The following VPS35L variants were observed in gnomAD, a reference collection of about 807,000 sequenced individuals.
VPS35L encodes VPS35 endosomal protein-sorting factor-like.
VPS35L carries 83 observed loss-of-function variants against 133.0 expected under a neutral mutation model. The ratio of observed to expected loss-of-function variants is 0.62; its 90% confidence interval spans 0.52 to 0.75. The LOEUF is 0.75. Among genes scored for constraint, VPS35L ranks in the 30% least tolerant of loss-of-function variants. The probability of loss-of-function intolerance (pLI) is 0.00; values close to 1 mark genes in which losing one functional copy is unlikely to be tolerated. For missense variants in VPS35L, 1,083 were observed against 1,206.8 expected, an observed-to-expected ratio of 0.90 and a Z score of 1.52; for synonymous variants, 423 against 449.9, an observed-to-expected ratio of 0.94 and a Z score of 0.76.
intron 22 of VPS35L, among the ~76,000 whole-genome samples, chr16:19,644,289 G>C (rs1973872526): frequency 6.6e-6 from 1 of 152,240 alleles, no homozygotes. Context: ...TTGATGGATG[G>C]AGAGGGGAAT....
chr16:19,565,645 G>A (rs1294758386), intron 2 of VPS35L, among the ~76,000 whole-genome samples: 8 of 152,090 alleles, frequency 5.3e-5, no homozygotes, highest in Non-Finnish European at 8.8e-5. Flanking sequence ...GAGCCACCTC[G>A]CCCGGCCTGC....
intron 27 of VPS35L, among the ~76,000 whole-genome samples, chr16:19,680,460 G>A (rs906330022): frequency 6.6e-6 from 1 of 152,160 alleles, no homozygotes; most frequent in Non-Finnish European, 1.5e-5. Flanking sequence ...AGCAGACCTG[G>A]CGGTGTATTG....
chr16:19,588,780 C>T (rs1397434058), intron 7 of VPS35L, among the ~76,000 whole-genome samples: 2 of 152,168 alleles, frequency 1.3e-5, no homozygotes, highest in East Asian at 3.8e-4. Flanking sequence ...CCATGTAAAG[C>T]TTTTCTCTAG....
Position 19,633,394 on chromosome 16 carries a change from T to TA in VPS35L, c.1635+223dup, listed in dbSNP as rs1451715661. ...GATAGTAATAGTGCTACCTGAGAGT[T>TA]ACTGTGAGGATGAAGTGAAGCCCTC... On this transcript the variant is annotated intron_variant, in intron 19 of 30. Coordinates refer to ENST00000417362, the MANE Select transcript of VPS35L (RefSeq NM_020314.7). The surrounding 1 kb of genome is among the most constrained non-coding windows in gnomAD (Gnocchi z 4.1). 6.6e-6 allele frequency among the ~76,000 whole-genome samples: 1 copy of TA among 152,218 alleles called. No individual in the cohort carries two copies. Among genetic ancestry groups the TA allele is most frequent in the Non-Finnish European group, 1.5e-5 (1 of 68,032 alleles).
chr16:19,595,381 G>A (rs1374214148), intron 8 of VPS35L, among the ~76,000 whole-genome samples: 1 of 152,118 alleles, frequency 6.6e-6, no homozygotes, highest in Non-Finnish European at 1.5e-5. Flanking sequence ...CAGGTTAGAT[G>A]TCAAATCATA....
At chr16:19,585,900 AT>A (rs959841774) in intron 7 of VPS35L, among the ~76,000 whole-genome samples, 1 of 151,282 alleles carries the variant, frequency 6.6e-6, no homozygotes, top group Admixed American at 6.6e-5. Flanking sequence ...AGTTGTAACA[AT>A]TTTTTTTTCC....
At chr16:19,611,651 T>C (rs893888918) in intron 12 of VPS35L, 15 of 152,108 alleles carry the variant, frequency 9.9e-5, no homozygotes, top group African/African-American at 3.4e-4. Flanking sequence ...AAGGGCACTT[T>C]TTATAGGTCT....
chr16:19,628,642 T>C lies in VPS35L; in HGVS notation c.1389T>C (p.Leu463=), dbSNP rs2151566135. ...ECDESGFPKH[L]LFRSLGLNLA... Reference sequence around the variant, plus strand: ...TGGTTTGACATGTTTCTTAGCATCTTCTTTTTCGATCACTGGGATTAAACT... The same window carrying C: ...TGGTTTGACATGTTTCTTAGCATCTCCTTTTTCGATCACTGGGATTAAACT... Residue 463 remains leucine, a synonymous_variant, in exon 17 of 31, where the codon CTT becomes CTC. Coordinates refer to ENST00000417362, the MANE Select transcript of VPS35L (RefSeq NM_020314.7). 1.9e-6 allele frequency: 3 copies of C among 1,555,502 alleles called. No homozygotes were observed. Among genetic ancestry groups the C allele is most frequent in the Non-Finnish European group, 2.6e-6 (3 of 1,135,092 alleles).
At chr16:19,658,380 A>G (rs1974371787) in intron 26 of VPS35L, among the ~76,000 whole-genome samples, 1 of 152,130 alleles carries the variant, frequency 6.6e-6, no homozygotes, top group African/African-American at 2.4e-5. Context: ...AAATACAAAA[A>G]TTAGCCGGCA....
intron 28 of VPS35L, among the ~76,000 whole-genome samples, chr16:19,690,970 A>AAAAG (rs1210875379): frequency 4.6e-5 from 7 of 152,040 alleles, no homozygotes; most frequent in African/African-American, 1.4e-4. Context: ...TCAAAAAAAA[A>AAAAG]AAAAGAAAAG....
At chr16:19,574,475 CAG>C (rs200427508) in intron 4 of VPS35L, among the ~76,000 whole-genome samples, 1,585 of 152,296 alleles carry the variant, frequency 0.01, 18 homozygotes, top group South Asian at 0.067. Flanking sequence ...CTGGAGGAAA[CAG>C]TGAACTTGGC....
chr16:19,650,460 G>C lies in VPS35L; in HGVS notation c.2106+1G>C. Reference sequence around the variant, plus strand: ...CAGAAAGACAGCTGCATTTGTCCGGGTATGTTCTTAAGATAAGGACTGTTG... The same window carrying C: ...CAGAAAGACAGCTGCATTTGTCCGGCTATGTTCTTAAGATAAGGACTGTTG... On this transcript the variant is annotated splice_donor_variant, in intron 25 of 30. Transcript: ENST00000417362. LOFTEE classifies it high-confidence loss of function. 2 of 1,612,542 alleles carry C rather than the reference G, an allele frequency of 1.2e-6. No homozygotes were observed. The highest frequency in any genetic ancestry group is 2.2e-5 in the South Asian group (2 of 91,052).
In VPS35L at chr16:19,572,887, C is replaced by T. The variant is rs557103904; in HGVS notation, c.286-232C>T. Reference sequence around the variant, plus strand: ...ATGGGGTTTTACCATGTTGGCTAGGCTGGTGTTAAACCCCCGCCCTTAAGT... The same window carrying T: ...ATGGGGTTTTACCATGTTGGCTAGGTTGGTGTTAAACCCCCGCCCTTAAGT... On this transcript the variant is annotated intron_variant, in intron 3 of 30. Coordinates refer to ENST00000417362, the MANE Select transcript of VPS35L (RefSeq NM_020314.7). Among the ~76,000 whole-genome samples, 5 of 152,168 alleles carry T rather than the reference C, an allele frequency of 3.3e-5. No individual in the cohort carries two copies. In the South Asian group the frequency reaches 1.0e-3, roughly 32 times the overall value.
intron 12 of VPS35L, among the ~76,000 whole-genome samples, chr16:19,614,796 GT>G (rs1467977951): frequency 6.6e-6 from 1 of 152,208 alleles, no homozygotes; most frequent in East Asian, 1.9e-4. Flanking sequence ...GTGATGTTGT[GT>G]TTTAAACCTA....
chr16:19,601,379 G>A (rs1180516405), intron 8 of VPS35L, among the ~76,000 whole-genome samples: 1 of 152,188 alleles, frequency 6.6e-6, no homozygotes, highest in Non-Finnish European at 1.5e-5. Context: ...AGCATGGAGT[G>A]TGGACCATCG....
intron 27 of VPS35L, among the ~76,000 whole-genome samples, chr16:19,679,188 GCT>G (rs1359113698): frequency 6.6e-6 from 1 of 152,084 alleles, no homozygotes; most frequent in Non-Finnish European, 1.5e-5. Flanking sequence ...GCTGAAACCA[GCT>G]CTGAGTGGAA....
chr16:19,632,990 G>A, intron 18 of VPS35L, 102 bp from the exon 19 acceptor site: 1 of 822,428 alleles, frequency 1.2e-6, no homozygotes, highest in Non-Finnish European at 2.1e-6. Flanking sequence ...TTCCTGGAAG[G>A]TGTGTGATAT....
intron 27 of VPS35L, among the ~76,000 whole-genome samples, chr16:19,671,095 T>C (rs982709941): frequency 6.6e-6 from 1 of 152,222 alleles, no homozygotes; most frequent in African/African-American, 2.4e-5. Context: ...ACAGAAGCAT[T>C]GAAAAAATAT....
chr16:19,675,753 T>A (rs549753250), intron 27 of VPS35L, among the ~76,000 whole-genome samples: 1 of 152,058 alleles, frequency 6.6e-6, no homozygotes. Flanking sequence ...TTTCACCATG[T>A]TGGCCAGGCT....
Sources: gnomAD v4.1 joint callset for allele counts (sites outside exome capture counted in the v4.1 genomes callset) on GRCh38, gnomAD v4.1.1 for gene constraint, Gnocchi (gnomAD v3.1) non-coding constraint, MANE v1.5 for transcripts, NCBI Gene and HGNC (gene_info 2026-07-23, HGNC 2026-07-21) for gene names.